The following DLGAP1 variants were observed in gnomAD, a reference collection of about 807,000 sequenced individuals.
DLGAP1 encodes the protein DLG associated protein 1, also known as disks large-associated protein 1.
A neutral mutation model predicts 90.8 loss-of-function variants in DLGAP1; 11 were observed. The ratio of observed to expected loss-of-function variants is 0.12; its 90% CI spans 0.08 to 0.20. DLGAP1 has a LOEUF of 0.20. Among genes scored for constraint, DLGAP1 ranks in the 10% least tolerant of loss-of-function variants. The pLI, the probability that DLGAP1 is intolerant of heterozygous loss-of-function variation, is 1.00. For synonymous variants in DLGAP1, 558 were observed against 540.7 expected (o/e 1.03, Z -0.44); for missense variants, 1,050 against 1,333.8 (o/e 0.79, Z 3.31).
At chr18:4,370,069 CAA>C (rs917608188) in intron 1 of DLGAP1, among the ~76,000 whole-genome samples, 45 of 152,098 alleles carry the variant, frequency 3.0e-4, no homozygotes, top group African/African-American at 9.6e-4. Context: ...AGAAAAAAGG[CAA>C]AGACTCAGGT....
In DLGAP1 at chr18:3,770,265, C is replaced by T. The variant is rs116644848; in HGVS notation, c.1173-27753G>A. Among the ~76,000 whole-genome samples the T allele has an allele frequency of 4.1e-3, 621 of 152,206 alleles. 11 individuals are homozygous for T. The highest frequency in any genetic ancestry group is 0.014 in the African/African-American group (598 of 41,480). On this transcript the variant is annotated intron_variant, in intron 5 of 12. Transcript: ENST00000315677. ...TCCCTGTCTGATAGGTCAGTGCTGTCACTGTGGGAGAGAGAAGGCAGGCAG... is the reference window on the plus strand; with the variant it reads ...TCCCTGTCTGATAGGTCAGTGCTGTTACTGTGGGAGAGAGAAGGCAGGCAG...
At chr18:4,248,845 G>C (rs2078712035) in intron 1 of DLGAP1, 1 of 152,460 alleles carries the variant, frequency 6.6e-6, no homozygotes, top group South Asian at 2.1e-4. Flanking sequence ...GTCCCTGCCT[G>C]ACCTTCATAC....
In DLGAP1 at chr18:3,544,719, TTTTA is replaced by T. The variant is rs3072938; in HGVS notation, c.2058-10108_2058-10105del. Among the ~76,000 whole-genome samples the T allele has an allele frequency of 2.2e-3, 310 of 143,200 alleles. 4 individuals are homozygous for T. The highest frequency in any genetic ancestry group is 0.017 in the East Asian group (84 of 4,840). The allele number at this position is 143,200 out of a possible 152,430, so 93.9% of individuals were successfully genotyped here. A position where few individuals can be genotyped will look rare whatever the true frequency, so the allele number is the denominator to read the frequency against. ...TTGGAAAAAAAAATGTGTACTTTGC[TTTTA>T]TTTATTTATTTATTTATTTATTTAT... On this transcript the variant is annotated intron_variant, in intron 9 of 12. Coordinates refer to ENST00000315677, the MANE Select transcript of DLGAP1 (RefSeq NM_004746.4).
chr18:4,170,365 G>A (rs1377421245), intron 1 of DLGAP1, among the ~76,000 whole-genome samples: 2 of 152,120 alleles, frequency 1.3e-5, no homozygotes, highest in African/African-American at 2.4e-5. Context: ...GACATGTTAA[G>A]TTTTAAAATG....
At chr18:3,889,185 A>G (rs1435028744) in intron 3 of DLGAP1, among the ~76,000 whole-genome samples, 1 of 152,168 alleles carries the variant, frequency 6.6e-6, no homozygotes, top group Admixed American at 6.5e-5. Context: ...GACAGAATAA[A>G]CCTGTTTAAT....
chr18:3,842,831 A>G (rs1278029137), intron 4 of DLGAP1, among the ~76,000 whole-genome samples: 1 of 152,162 alleles, frequency 6.6e-6, no homozygotes, highest in African/African-American at 2.4e-5. Flanking sequence ...TGTAACCTCG[A>G]TATCTTTGTG....
At position 3,805,968 on chromosome 18, in the gene DLGAP1, T is replaced by G. The variant is rs543092935; in HGVS notation, c.1172+8091A>C. Among the ~76,000 whole-genome samples, 25 of 152,374 alleles carry G rather than the reference T, an allele frequency of 1.6e-4. No homozygotes were observed. The South Asian group carries it at 5.0e-3, about 30-fold the overall frequency. On this transcript the variant is annotated intron_variant, in intron 5 of 12. Transcript: ENST00000315677. ...CCTGGTTTATAGATAGGAATGTTGATGATGTTGCTATTTCAAATGCATCTT... is the reference window on the plus strand; with the variant it reads ...CCTGGTTTATAGATAGGAATGTTGAGGATGTTGCTATTTCAAATGCATCTT...
At chr18:3,922,329 C>T (rs552008259) in intron 3 of DLGAP1, among the ~76,000 whole-genome samples, 73 of 152,200 alleles carry the variant, frequency 4.8e-4, no homozygotes, top group African/African-American at 1.7e-3. Context: ...GAGAGGTGCC[C>T]GGCATTAAGC....
intron 2 of DLGAP1, among the ~76,000 whole-genome samples, chr18:4,017,010 C>G (rs1298018444): frequency 6.6e-6 from 1 of 152,128 alleles, no homozygotes. Context: ...CCTCATCTCC[C>G]CAGCAATATT....
At chr18:3,503,000 AT>A (rs980948156) in intron 11 of DLGAP1, among the ~76,000 whole-genome samples, 4 of 152,200 alleles carry the variant, frequency 2.6e-5, no homozygotes, top group African/African-American at 9.7e-5. Flanking sequence ...GAAAAAAAAA[AT>A]ACAGTGTATT....
At chr18:3,550,692 T>G in intron 9 of DLGAP1, among the ~76,000 whole-genome samples, 1 of 149,026 alleles carries the variant, frequency 6.7e-6, no homozygotes, top group Non-Finnish European at 1.5e-5. Context: ...AGAGACCACA[T>G]GAGAAATCAA....
At chr18:3,852,667 C>A (rs920052491) in intron 4 of DLGAP1, among the ~76,000 whole-genome samples, 5 of 151,958 alleles carry the variant, frequency 3.3e-5, no homozygotes, top group Non-Finnish European at 7.4e-5. Context: ...TTTTCTATTC[C>A]CAATTTGTTA....
chr18:3,740,863 C>G lies in DLGAP1; in HGVS notation c.1350+1472G>C, dbSNP rs553219659. On this transcript the variant is annotated intron_variant, in intron 6 of 12. Coordinates refer to ENST00000315677, the MANE Select transcript of DLGAP1 (RefSeq NM_004746.4). ...TCATCACCACCACCATCACGACCAC[C>G]ACCGCCACCACCGTCACCATCACAA... is the stretch of plus-strand genomic sequence containing the variant. 2.9e-4 allele frequency among the ~76,000 whole-genome samples: 44 copies of G among 149,802 alleles called. 1 individual carries two copies. The Middle Eastern group carries it at 0.024, about 83-fold the overall frequency.
chr18:3,854,727 A>G lies in DLGAP1; in HGVS notation c.957+24385T>C, dbSNP rs148722819. ...GTTAAACCACCTGAGTGTGCAGTACAGTGTGGGGAAACCTATCAGTATGAT... is the reference window on the plus strand; with the variant it reads ...GTTAAACCACCTGAGTGTGCAGTACGGTGTGGGGAAACCTATCAGTATGAT... On this transcript the variant is annotated intron_variant, in intron 4 of 12. Transcript: ENST00000315677. 2.5e-3 allele frequency among the ~76,000 whole-genome samples: 386 copies of G among 152,114 alleles called. 1 individual carries two copies. Among genetic ancestry groups the G allele is most frequent in the Middle Eastern group, 0.017 (5 of 294 alleles).
intron 3 of DLGAP1, among the ~76,000 whole-genome samples, chr18:4,004,685 T>C (rs1013345571): frequency 2.0e-5 from 3 of 152,190 alleles, no homozygotes; most frequent in African/African-American, 7.2e-5. Context: ...GTTTCAGCCT[T>C]CATCCAAATA....
At chr18:3,518,081 T>C (rs1477815445) in intron 10 of DLGAP1, among the ~76,000 whole-genome samples, 2 of 152,246 alleles carry the variant, frequency 1.3e-5, no homozygotes, top group African/African-American at 4.8e-5. Flanking sequence ...TTGACATGCC[T>C]TCCTAACTAA....
chr18:4,081,247 G>C (rs894090802), intron 2 of DLGAP1, among the ~76,000 whole-genome samples: 2 of 151,470 alleles, frequency 1.3e-5, no homozygotes, highest in African/African-American at 2.4e-5. Context: ...CCCAGGCGGC[G>C]GAGGTTGTGG....
intron 2 of DLGAP1, among the ~76,000 whole-genome samples, chr18:4,118,171 A>C (rs911837803): frequency 6.6e-6 from 1 of 151,914 alleles, no homozygotes; most frequent in African/African-American, 2.4e-5. Flanking sequence ...GCTTTTGACA[A>C]TGTCCTTAAG....
chr18:3,558,906 C>T (rs1258982526), intron 9 of DLGAP1, among the ~76,000 whole-genome samples: 1 of 152,170 alleles, frequency 6.6e-6, no homozygotes, highest in East Asian at 1.9e-4. Context: ...CTGGTGGCAC[C>T]TGCAGCTACA....
Sources: gnomAD v4.1 joint callset for allele counts (sites outside exome capture counted in the v4.1 genomes callset) on GRCh38, gnomAD v4.1.1 for gene constraint, MANE v1.5 for transcripts, NCBI Gene and HGNC (gene_info 2026-07-23, HGNC 2026-07-21) for gene names.